Variants in PDE7B observed in about 807,000 individuals in gnomAD.
PDE7B encodes the protein phosphodiesterase 7B, also known as 3',5'-cyclic-AMP phosphodiesterase 7B.
A neutral mutation model predicts 56.2 loss-of-function variants in PDE7B; 29 were observed. That is an observed-to-expected ratio of 0.52 (90% CI 0.38 to 0.70). The LOEUF (loss-of-function observed/expected upper bound fraction) is 0.70. Among genes scored for constraint, PDE7B ranks in the 30% least tolerant of loss-of-function variants. The pLI is 0.00. For missense variants in PDE7B, 490 were observed against 565.0 expected (o/e 0.87, Z 1.35); for synonymous variants, 197 against 196.9 (o/e 1.00, Z 0.00).
At chr6:135,937,629 T>G (rs1420413349) in intron 1 of PDE7B, among the ~76,000 whole-genome samples, 1 of 152,220 alleles carries the variant, frequency 6.6e-6, no homozygotes, top group East Asian at 1.9e-4. Flanking sequence ...CCCATCAGGA[T>G]GTAGCCAGTT....
At chr6:135,883,242 A>G (rs1232109316) in intron 1 of PDE7B, among the ~76,000 whole-genome samples, 1 of 152,192 alleles carries the variant, frequency 6.6e-6, no homozygotes, top group African/African-American at 2.4e-5. Context: ...CATGCGGCTC[A>G]ATTGGACATA....
At chr6:136,178,719 T>C (rs1231865237) in intron 9 of PDE7B, among the ~76,000 whole-genome samples, 1 of 152,240 alleles carries the variant, frequency 6.6e-6, no homozygotes, top group East Asian at 1.9e-4. Context: ...TCTATTTGGC[T>C]TTCAGATTTT....
intron 11 of PDE7B, among the ~76,000 whole-genome samples, chr6:136,181,641 C>T (rs1417400990): frequency 1.3e-5 from 2 of 152,132 alleles, no homozygotes; most frequent in African/African-American, 4.8e-5. Context: ...TTGATTTTGA[C>T]TTTGACCTTC....
At chr6:136,012,846 TC>T (rs1299697512) in intron 2 of PDE7B, 3 of 152,192 alleles carry the variant, frequency 2.0e-5, no homozygotes, top group African/African-American at 4.8e-5. Flanking sequence ...GAAAGTAATT[TC>T]CCCCCTTTTA....
chr6:136,129,029 C>A (rs1234289732), intron 3 of PDE7B, among the ~76,000 whole-genome samples: 4 of 152,170 alleles, frequency 2.6e-5, no homozygotes, highest in Admixed American at 2.6e-4. Context: ...CTAAGGCATT[C>A]ATTGATTCAT....
At position 136,028,263 on chromosome 6, in the gene PDE7B, A is replaced by G. The variant is rs533199173; in HGVS notation, c.83-80468A>G. Among the ~76,000 whole-genome samples the G allele has an allele frequency of 1.2e-4, 19 of 152,374 alleles. No individual in the cohort carries two copies. In the South Asian group the frequency reaches 3.9e-3, roughly 32 times the overall value. ...CAAGTAGTGACGTAAGTGAAGTTACATCCCAGATGACCAAAATGGATAAGA... is the reference window on the plus strand; with the variant it reads ...CAAGTAGTGACGTAAGTGAAGTTACGTCCCAGATGACCAAAATGGATAAGA... On this transcript the variant is annotated intron_variant, in intron 2 of 12. Coordinates refer to ENST00000308191, the MANE Select transcript of PDE7B (RefSeq NM_018945.4).
intron 3 of PDE7B, among the ~76,000 whole-genome samples, chr6:136,134,085 T>C (rs1401432922): frequency 1.3e-5 from 2 of 152,002 alleles, no homozygotes; most frequent in Non-Finnish European, 2.9e-5. Context: ...GGGGCTGACA[T>C]GGTAGGAGTT....
intron 2 of PDE7B, among the ~76,000 whole-genome samples, chr6:136,052,811 TCTAA>T (rs1776655609): frequency 6.6e-6 from 1 of 152,146 alleles, no homozygotes; most frequent in South Asian, 2.1e-4. Flanking sequence ...GGTAAGGTGC[TCTAA>T]CTAACTCATA....
chr6:135,909,749 G>A (rs1776179218), intron 1 of PDE7B, among the ~76,000 whole-genome samples: 1 of 151,754 alleles, frequency 6.6e-6, no homozygotes, highest in South Asian at 2.1e-4. Context: ...GAGTTGCTGC[G>A]GGAAGATCAA....
intron 1 of PDE7B, among the ~76,000 whole-genome samples, chr6:135,883,171 T>C (rs1441909613): frequency 7.9e-5 from 12 of 152,156 alleles, no homozygotes; most frequent in South Asian, 2.1e-4. Flanking sequence ...ACAATTTATG[T>C]CCACCACTAA....
intron 1 of PDE7B, among the ~76,000 whole-genome samples, chr6:135,902,480 A>G (rs1297371158): frequency 6.6e-6 from 1 of 152,026 alleles, no homozygotes; most frequent in East Asian, 1.9e-4. Flanking sequence ...ATCAAATAAA[A>G]GAGTCCATAG....
intron 2 of PDE7B, among the ~76,000 whole-genome samples, chr6:136,048,240 T>C: frequency 6.6e-6 from 1 of 152,094 alleles, no homozygotes; most frequent in Non-Finnish European, 1.5e-5. Context: ...AAGGAGATGA[T>C]GGGCTGGGCG....
At chr6:135,880,494 A>G (rs1775588260) in intron 1 of PDE7B, among the ~76,000 whole-genome samples, 1 of 152,144 alleles carries the variant, frequency 6.6e-6, no homozygotes, top group South Asian at 2.1e-4. Context: ...AGAACTAAGG[A>G]AAACATCACA....
At chr6:136,078,671 T>G (rs1777158903) in intron 2 of PDE7B, among the ~76,000 whole-genome samples, 7 of 152,152 alleles carry the variant, frequency 4.6e-5, no homozygotes, top group Admixed American at 4.6e-4. Context: ...TACACATCTT[T>G]ATGTGCAAAA....
chr6:136,080,268 G>C (rs1253669990), intron 2 of PDE7B, among the ~76,000 whole-genome samples: 1 of 152,134 alleles, frequency 6.6e-6, no homozygotes, highest in Non-Finnish European at 1.5e-5. Context: ...AGCACCTAAA[G>C]TTACAGGCTC....
chr6:136,034,741 C>T, intron 2 of PDE7B: 1 of 167,248 alleles, frequency 6.0e-6, no homozygotes. Flanking sequence ...CATGATATCC[C>T]TCTCCAACCC....
intron 2 of PDE7B, among the ~76,000 whole-genome samples, chr6:136,008,911 T>A (rs1322337072): frequency 6.6e-6 from 1 of 152,214 alleles, no homozygotes; most frequent in African/African-American, 2.4e-5. Flanking sequence ...TCCTTGCCCA[T>A]GCCTATGCCC....
At chr6:135,964,554 C>T (rs993262295) in intron 2 of PDE7B, among the ~76,000 whole-genome samples, 2 of 152,072 alleles carry the variant, frequency 1.3e-5, no homozygotes, top group Admixed American at 6.5e-5. Flanking sequence ...TTCTAATGTA[C>T]AATTATAAAG....
At chr6:136,145,295 G>A (rs146603481) in intron 3 of PDE7B, among the ~76,000 whole-genome samples, 7 of 151,996 alleles carry the variant, frequency 4.6e-5, no homozygotes, top group East Asian at 1.9e-4. Context: ...CAAATTTCCC[G>A]TATTTTCTCA....
Sources: allele counts gnomAD v4.1 joint callset (sites outside exome capture counted in the v4.1 genomes callset), GRCh38; gene constraint gnomAD v4.1.1; transcripts MANE v1.5; gene names NCBI Gene and HGNC (gene_info 2026-07-23, HGNC 2026-07-21).